Variants in CDH8 observed in about 807,000 individuals in gnomAD.
CDH8 encodes the protein cadherin 8.
CDH8 carries 17 observed loss-of-function variants against 68.1 expected under a neutral mutation model. The observed-to-expected ratio is 0.25, with a 90% CI of 0.17 to 0.37. The LOEUF is 0.37. Among genes scored for constraint, CDH8 ranks in the 10% least tolerant of loss-of-function variants. The pLI, the probability that CDH8 is intolerant of heterozygous loss-of-function variation, is 1.00. For missense variants in CDH8, 763 were observed against 999.3 expected, an observed-to-expected ratio of 0.76 and a Z score of 3.19; for synonymous variants, 372 against 365.1, an observed-to-expected ratio of 1.02 and a Z score of -0.21.
chr16:61,761,371 T>C (rs1960462757), intron 8 of CDH8, among the ~76,000 whole-genome samples: 2 of 152,190 alleles, frequency 1.3e-5, no homozygotes, highest in South Asian at 4.1e-4. Context: ...ATATTCAAAA[T>C]GCATTTCCCA....
intron 2 of CDH8, among the ~76,000 whole-genome samples, chr16:61,959,692 CTGTA>C (rs1597090883): frequency 6.8e-6 from 1 of 147,950 alleles, no homozygotes; most frequent in African/African-American, 2.5e-5. Flanking sequence ...ATCTTTCTCT[CTGTA>C]TGTGTGTCTG....
At chr16:61,972,572 GTGT>G (rs1370208507) in intron 2 of CDH8, among the ~76,000 whole-genome samples, 1,390 of 58,750 alleles carry the variant, frequency 0.024, 24 homozygotes, top group African/African-American at 0.09. Flanking sequence ...CACATTGTGG[GTGT>G]GTGTGTGTGT....
At chr16:61,752,707 A>G (rs1460539772) in intron 8 of CDH8, among the ~76,000 whole-genome samples, 1 of 152,220 alleles carries the variant, frequency 6.6e-6, no homozygotes, top group African/African-American at 2.4e-5. Flanking sequence ...AAAAGTAGCC[A>G]TGAAGATTAT....
At chr16:61,697,948 C>A (rs929876237) in intron 10 of CDH8, among the ~76,000 whole-genome samples, 1 of 152,194 alleles carries the variant, frequency 6.6e-6, no homozygotes, top group Non-Finnish European at 1.5e-5. Context: ...GGTTATTAGA[C>A]AAGCCATTTA....
chr16:62,024,407 A>G (rs1902146575), intron 1 of CDH8, among the ~76,000 whole-genome samples: 1 of 152,164 alleles, frequency 6.6e-6, no homozygotes, highest in South Asian at 2.1e-4. Context: ...CTCTGCAAGT[A>G]TACTCTGGCA....
At chr16:61,730,951 AG>A (rs1417850792) in intron 8 of CDH8, among the ~76,000 whole-genome samples, 1 of 151,604 alleles carries the variant, frequency 6.6e-6, no homozygotes, top group Non-Finnish European at 1.5e-5. Flanking sequence ...AACTGGTGAA[AG>A]TTTTTTTAAA....
chr16:61,762,038 A>C (rs1211359320), intron 8 of CDH8, among the ~76,000 whole-genome samples: 1 of 152,108 alleles, frequency 6.6e-6, no homozygotes, highest in Non-Finnish European at 1.5e-5. Context: ...AATTATAAAA[A>C]TTGAAAATAG....
At chr16:61,764,609 A>G (rs911228325) in intron 8 of CDH8, among the ~76,000 whole-genome samples, 1 of 152,068 alleles carries the variant, frequency 6.6e-6, no homozygotes, top group African/African-American at 2.4e-5. Flanking sequence ...CTAGTCTCTC[A>G]TATCATGAGT....
intron 2 of CDH8, among the ~76,000 whole-genome samples, chr16:62,002,803 C>T (rs1290735798): frequency 6.6e-6 from 1 of 152,134 alleles, no homozygotes; most frequent in Non-Finnish European, 1.5e-5. Flanking sequence ...CCTGTAATCC[C>T]AGCACTTTGG....
chr16:61,657,080 C>T (rs1311486811), intron 10 of CDH8, among the ~76,000 whole-genome samples: 1 of 150,932 alleles, frequency 6.6e-6, no homozygotes, highest in Non-Finnish European at 1.5e-5. Context: ...AAATATTGGC[C>T]AATTATAGAC....
At chr16:61,823,150 A>T (rs1029630688) in intron 5 of CDH8, among the ~76,000 whole-genome samples, 4 of 151,918 alleles carry the variant, frequency 2.6e-5, no homozygotes, top group African/African-American at 9.7e-5. Context: ...GAATTGCCAG[A>T]TGTAAAAATT....
intron 2 of CDH8, among the ~76,000 whole-genome samples, chr16:61,938,441 A>G (rs759528358): frequency 3.9e-5 from 6 of 152,164 alleles, no homozygotes; most frequent in Non-Finnish European, 7.4e-5. Flanking sequence ...TGAAGGGGAA[A>G]TATATACAGC....
chr16:61,781,410 T>C (rs1405870051), intron 8 of CDH8, among the ~76,000 whole-genome samples: 1 of 151,702 alleles, frequency 6.6e-6, no homozygotes, highest in Non-Finnish European at 1.5e-5. Flanking sequence ...CTGGGCAACA[T>C]GGTGAGACCC....
At chr16:61,784,894 A>G (rs940516803) in intron 8 of CDH8, among the ~76,000 whole-genome samples, 19 of 152,204 alleles carry the variant, frequency 1.2e-4, no homozygotes, top group African/African-American at 4.3e-4. Context: ...ACCAACTAGA[A>G]CAAAGACACA....
chr16:61,942,324 C>T (rs1005405599), intron 2 of CDH8, among the ~76,000 whole-genome samples: 3 of 152,044 alleles, frequency 2.0e-5, no homozygotes, highest in African/African-American at 7.2e-5. Context: ...GAGACCTCAC[C>T]TTTACAAAAA....
chr16:61,686,051 T>C (rs1964099508), intron 10 of CDH8, among the ~76,000 whole-genome samples: 1 of 152,014 alleles, frequency 6.6e-6, no homozygotes, highest in Non-Finnish European at 1.5e-5. Flanking sequence ...ATTGGTTATC[T>C]AATTTAAGAA....
intron 4 of CDH8, among the ~76,000 whole-genome samples, chr16:61,847,601 T>A (rs145912225): frequency 0.01 from 1,491 of 147,532 alleles, 19 homozygotes; most frequent in African/African-American, 0.033. Flanking sequence ...TTATGGGAGG[T>A]GGGTGGAAAC....
intron 8 of CDH8, among the ~76,000 whole-genome samples, chr16:61,733,769 C>T (rs1567445266): frequency 6.6e-6 from 1 of 151,718 alleles, no homozygotes; most frequent in Non-Finnish European, 1.5e-5. Context: ...TGAGTTTGTA[C>T]TGCCCTAAAA....
At chr16:61,969,569 T>C (rs1303523151) in intron 2 of CDH8, among the ~76,000 whole-genome samples, 2 of 152,218 alleles carry the variant, frequency 1.3e-5, no homozygotes, top group East Asian at 1.9e-4. Context: ...CATTTATCTA[T>C]ATAAAGAGAT....
Sources: allele counts gnomAD v4.1 joint callset (sites outside exome capture counted in the v4.1 genomes callset), GRCh38; gene constraint gnomAD v4.1.1; transcripts MANE v1.5; gene names NCBI Gene and HGNC (gene_info 2026-07-23, HGNC 2026-07-21).